DST: variants seen among roughly 807,000 people sequenced by gnomAD.
DST encodes bullous pemphigoid antigen.
Under a neutral mutation model 875.2 loss-of-function variants are expected in DST, and 253 were observed. That is an observed-to-expected ratio of 0.29 (90% CI 0.26 to 0.32). DST has a LOEUF of 0.32. Ranked by LOEUF, DST falls within the 10% of genes least tolerant of loss-of-function variation. The probability of loss-of-function intolerance (pLI) is 1.00; values close to 1 mark genes in which losing one functional copy is unlikely to be tolerated. For synonymous variants in DST, 3,124 were observed against 3,197.1 expected (o/e 0.98, Z 0.77); for missense variants, 8,287 against 9,111.6 (o/e 0.91, Z 3.68).
chr6:56,739,345 AT>A (rs752074947), intron 4 of DST, among the ~76,000 whole-genome samples: 1 of 151,992 alleles, frequency 6.6e-6, no homozygotes, highest in Non-Finnish European at 1.5e-5. Flanking sequence ...TAAATTACCA[AT>A]TTGTTGGTAA....
At chr6:56,636,430 ATATATATGTGTG>A in intron 23 of DST, 115 bp downstream of exon 23, 1 of 707,408 alleles carries the variant, frequency 1.4e-6, no homozygotes, top group South Asian at 1.5e-5. Context: ...ATATGTGTAT[ATATATATGTGTG>A]TATATATATA....
At chr6:56,706,427 C>T (rs535393620) in intron 5 of DST, among the ~76,000 whole-genome samples, 1 of 152,260 alleles carries the variant, frequency 6.6e-6, no homozygotes, top group East Asian at 1.9e-4. Flanking sequence ...GAAATGACAA[C>T]TCTCTCAACT....
rs755933323 is a variant in DST at position 56,608,723 on chromosome 6, T to G, written c.5905A>C (p.Ile1969Leu). 1.4e-5 allele frequency: 22 copies of G among 1,611,358 alleles called. 1 individual carries two copies. In the South Asian group the frequency reaches 2.3e-4, roughly 17 times the overall value. ...AGACCTTCATGAGCTGCTCTTAAAA[T>G]GCTTATGTTTCTTCCACATTTTAAT... ...ITLKCGRNIS[I>L]LRAAHEGLID... The change falls in exon 40 of 104, where the codon ATT becomes CTT. Residue 1969 changes from isoleucine (I) to leucine (L), a missense_variant. Around this residue, in one of 10 missense-constraint regions of DST, gnomAD observed 3,138 missense variants for 3,116.6 expected, o/e 1.01. Coordinates refer to ENST00000680361, the MANE Select transcript of DST (RefSeq NM_001374736.1).
intron 3 of DST, among the ~76,000 whole-genome samples, chr6:56,882,865 G>A (rs1445996176): frequency 6.6e-6 from 1 of 152,120 alleles, no homozygotes; most frequent in African/African-American, 2.4e-5. Flanking sequence ...ATAGCATGTT[G>A]CTTTTTTCTT....
intron 3 of DST, among the ~76,000 whole-genome samples, chr6:56,888,573 G>C (rs1017299444): frequency 1.3e-5 from 2 of 151,966 alleles, no homozygotes; most frequent in East Asian, 3.9e-4. Context: ...TATTTGAAAA[G>C]GAAAGGGAAA....
intron 98 of DST, 90 bp from the exon 99 acceptor site, chr6:56,466,285 G>A: frequency 5.9e-6 from 5 of 843,864 alleles, no homozygotes; most frequent in Non-Finnish European, 8.7e-6. Context: ...TAAAGCAACC[G>A]ACTTTAATTT....
chr6:56,527,750 C>A lies in DST; in HGVS notation c.17681-16G>T, dbSNP rs549753204. ...ACTTCATCACCTAAAATTTCAAAGTCACGTTATTTCTTATGAAGGAAAAAA... is the reference window on the plus strand; with the variant it reads ...ACTTCATCACCTAAAATTTCAAAGTAACGTTATTTCTTATGAAGGAAAAAA... On this transcript the variant is annotated splice_polypyrimidine_tract_variant and intron_variant, in intron 67 of 103. Coordinates refer to ENST00000680361, the MANE Select transcript of DST (RefSeq NM_001374736.1). 6.3e-7 allele frequency: 1 copy of A among 1,578,870 alleles called. No homozygotes were observed. The highest frequency in any genetic ancestry group is 1.2e-5 in the South Asian group (1 of 85,052).
In DST at chr6:56,735,307, A is replaced by G. The variant is rs2099518705; in HGVS notation, c.626-18T>C. On this transcript the variant is annotated intron_variant, in intron 4 of 103. Transcript: ENST00000680361. ...CCGTTCATCTGGAAGGAAAAAATAT[A>G]TATAAAGATAAGGTTGGTAAAATCT... 1 of 1,431,880 alleles carries G rather than the reference A, an allele frequency of 7.0e-7. No individual in the cohort carries two copies. The highest frequency in any genetic ancestry group is 9.6e-7 in the Non-Finnish European group (1 of 1,040,996). 88.7% of individuals were successfully genotyped at this position (1,431,880 alleles called of 1,614,324 possible). A position where few individuals can be genotyped will look rare whatever the true frequency, so the allele number is the denominator to read the frequency against.
At chr6:56,670,133 C>CGTGTGTGTGTGTGTGTGT (rs70989723) in intron 10 of DST, among the ~76,000 whole-genome samples, 8 of 146,198 alleles carry the variant, frequency 5.5e-5, no homozygotes, top group African/African-American at 1.8e-4. Flanking sequence ...AGCGCCCGTG[C>CGTGTGTGTGTGTGTGTGT]GTGTGTGTGT....
intron 56 of DST, among the ~76,000 whole-genome samples, chr6:56,561,777 C>T (rs1433881672): frequency 3.3e-5 from 5 of 152,044 alleles, no homozygotes; most frequent in Non-Finnish European, 1.5e-5. Flanking sequence ...ATAAAAAAGA[C>T]ATTTTAAATG....
chr6:56,616,939 T>G lies in DST; in HGVS notation c.4930-2455A>C, dbSNP rs767540132. 3.7e-6 allele frequency: 6 copies of G among 1,606,532 alleles called. No homozygotes were observed. Among genetic ancestry groups the G allele is most frequent in the South Asian group, 3.3e-5 (3 of 90,048 alleles). On this transcript the variant is annotated intron_variant, in intron 36 of 103. Coordinates refer to ENST00000680361, the MANE Select transcript of DST (RefSeq NM_001374736.1). ...AAATGGGATCAATTATAAAACCTGT[T>G]GCAGCCTGAGCTTCTAAAAATGCCA...
intron 70 of DST, 91 bp from the exon 71 acceptor site, chr6:56,517,396 G>C: frequency 1.3e-6 from 2 of 1,579,972 alleles, no homozygotes; most frequent in Non-Finnish European, 1.7e-6. Context: ...AAAATATCAC[G>C]TTACACTAGA....
intron 2 of DST, among the ~76,000 whole-genome samples, chr6:56,918,133 C>T (rs58348272): frequency 0.02 from 2,875 of 140,304 alleles, 85 homozygotes; most frequent in African/African-American, 0.069. Context: ...TTTTTTTTTT[C>T]TTTTTTTTTT....
At chr6:56,893,514 T>C (rs1270160351) in intron 3 of DST, among the ~76,000 whole-genome samples, 2 of 143,644 alleles carry the variant, frequency 1.4e-5, no homozygotes, top group African/African-American at 5.2e-5. Context: ...TCTGGGTAGA[T>C]ACCCAGTAGT....
chr6:56,813,900 T>C lies in DST; in HGVS notation c.625+37497A>G, dbSNP rs1484160922. On this transcript the variant is annotated intron_variant, in intron 4 of 103. Coordinates refer to ENST00000680361, the MANE Select transcript of DST (RefSeq NM_001374736.1). ...TACATGCCCCAAGAGATTAAAACTT[T>C]AATCATTAAGAACCTTGTAGGTATT... is the stretch of plus-strand genomic sequence containing the variant. Among the ~76,000 whole-genome samples the C allele has an allele frequency of 2.6e-5, 4 of 152,164 alleles. No individual in the cohort carries two copies. The East Asian group carries it at 7.7e-4, about 29-fold the overall frequency.
At chr6:56,702,748 A>G (rs2099315240) in intron 7 of DST, among the ~76,000 whole-genome samples, 2 of 152,252 alleles carry the variant, frequency 1.3e-5, no homozygotes, top group Non-Finnish European at 2.9e-5. Flanking sequence ...AACAGAGCTG[A>G]GAAATGCTTA....
In DST at chr6:56,642,423, T is replaced by A; in HGVS notation, c.1859A>T (p.Asn620Ile). 1 of 1,612,584 alleles carries A rather than the reference T, an allele frequency of 6.2e-7. No homozygotes were observed. The highest frequency in any genetic ancestry group is 8.5e-7 in the Non-Finnish European group (1 of 1,178,594). The change falls in exon 16 of 104, where the codon AAT becomes ATT. Residue 620 changes from asparagine (N) to isoleucine (I), a missense_variant. This residue lies in a region of DST where 1,160 missense variants were observed against 1,424.3 expected (regional missense o/e 0.81). Transcript: ENST00000680361. ...AAATTAACTTACAGACTGAAGAGCA[T>A]TTCCAGCAAGAATCAGTTTGTCTTC... ...ICEDKLILAG[N>I]ALQSDSKRLE...
intron 4 of DST, among the ~76,000 whole-genome samples, chr6:56,752,280 T>C (rs1006696823): frequency 1.3e-5 from 2 of 152,066 alleles, no homozygotes; most frequent in African/African-American, 4.8e-5. Flanking sequence ...TGGTAAGTGC[T>C]ATGACAGAAC....
chr6:56,678,227 T>C (rs779151372), intron 9 of DST, among the ~76,000 whole-genome samples: 12 of 152,206 alleles, frequency 7.9e-5, no homozygotes, highest in Non-Finnish European at 1.3e-4. Flanking sequence ...CATCAGTGCT[T>C]TGTTTCTTCA....
Sources: allele counts gnomAD v4.1 joint callset (sites outside exome capture counted in the v4.1 genomes callset), GRCh38; gene constraint gnomAD v4.1.1; regional missense constraint gnomAD v4.1.1; transcripts MANE v1.5; gene names NCBI Gene and HGNC (gene_info 2026-07-23, HGNC 2026-07-21).